PARP15: variants seen among roughly 807,000 people sequenced by gnomAD.
PARP15 encodes the protein protein mono-ADP-ribosyltransferase PARP15.
PARP15 carries 50 observed loss-of-function variants against 62.1 expected under a neutral mutation model. That is an observed-to-expected ratio of 0.81 (90% CI 0.64 to 1.02). PARP15 has a LOEUF of 1.02. Among genes scored for constraint, PARP15 ranks in the 50% least tolerant of loss-of-function variants. PARP15 has a pLI of 0.00. For synonymous variants in PARP15, 309 were observed against 293.1 expected (o/e 1.05, Z -0.55); for missense variants, 820 against 826.5 (o/e 0.99, Z 0.10).
intron 2 of PARP15, among the ~76,000 whole-genome samples, chr3:122,608,973 T>C (rs1382024640): frequency 6.6e-6 from 1 of 152,084 alleles, no homozygotes; most frequent in Non-Finnish European, 1.5e-5. Flanking sequence ...CAGGCTGGTC[T>C]TGAACTCCTG....
At chr3:122,617,207 A>G (rs368028414) in intron 6 of PARP15, 43 bp downstream of exon 6, 4 of 1,560,122 alleles carry the variant, frequency 2.6e-6, no homozygotes, top group Non-Finnish European at 3.5e-6. Context: ...AGTATGACTA[A>G]TTTCTGGAAG....
chr3:122,609,690 C>T (rs114278090), intron 2 of PARP15, among the ~76,000 whole-genome samples: 3 of 140,736 alleles, frequency 2.1e-5, no homozygotes, highest in Non-Finnish European at 3.0e-5. Flanking sequence ...AGATCGAAAT[C>T]GTGTTTAAAA....
At chr3:122,632,759 G>T (rs1937132621) in intron 10 of PARP15, among the ~76,000 whole-genome samples, 1 of 152,224 alleles carries the variant, frequency 6.6e-6, no homozygotes, top group African/African-American at 2.4e-5. Context: ...TCCGTGTCTA[G>T]GGAATACCTT....
At chr3:122,590,750 C>T (rs769750870) in intron 1 of PARP15, among the ~76,000 whole-genome samples, 1 of 152,104 alleles carries the variant, frequency 6.6e-6, no homozygotes. Context: ...AGATAAAAAA[C>T]AATGAAAAAT....
chr3:122,635,823 G>A lies in PARP15; in HGVS notation c.1760G>A (p.Gly587Glu). 6.2e-7 allele frequency: 1 copy of A among 1,613,200 alleles called. No individual in the cohort carries two copies. The highest frequency in any genetic ancestry group is 2.2e-5 in the East Asian group (1 of 44,868). Residue 587 changes from glycine to glutamate, a missense_variant, in exon 12 of 12, where the codon GGA (glycine) becomes GAA (glutamate). Transcript: ENST00000464300. ...TTTCTCTTTCCAGCTGTATCCTATG[G>A]AAAAGGAACCTATTTTGCTGTGGAT... Reference protein sequence around the residue: ...SCAGKNAVSYGKGTYFAVDAS... With the variant: ...SCAGKNAVSYEKGTYFAVDAS...
At chr3:122,601,256 T>C (rs1934778158) in intron 1 of PARP15, among the ~76,000 whole-genome samples, 1 of 152,088 alleles carries the variant, frequency 6.6e-6, no homozygotes, top group Admixed American at 6.6e-5. Flanking sequence ...ACGCCTGACC[T>C]CAGGTGATCC....
chr3:122,595,170 T>G (rs555940011), intron 1 of PARP15, among the ~76,000 whole-genome samples: 26 of 136,558 alleles, frequency 1.9e-4, no homozygotes, highest in African/African-American at 5.9e-4. Flanking sequence ...AAAGGAATTG[T>G]TTTTTTTTTC....
chr3:122,589,732 A>G (rs930526635), intron 1 of PARP15, among the ~76,000 whole-genome samples: 1 of 152,120 alleles, frequency 6.6e-6, no homozygotes, highest in African/African-American at 2.4e-5. Flanking sequence ...ATTTTTTAAA[A>G]ATTGTTGACT....
At chr3:122,612,293 G>T (rs569226517) in intron 3 of PARP15, among the ~76,000 whole-genome samples, 2 of 151,412 alleles carry the variant, frequency 1.3e-5, no homozygotes, top group Admixed American at 1.3e-4. Flanking sequence ...GGACTCAAGC[G>T]ATCTGCCCAC....
chr3:122,617,500 T>A (rs1177190631), intron 6 of PARP15, among the ~76,000 whole-genome samples: 2 of 152,212 alleles, frequency 1.3e-5, no homozygotes, highest in African/African-American at 4.8e-5. Context: ...CAAGTATAGT[T>A]TAGTACCTCT....
chr3:122,585,536 G>A (rs6779282), intron 1 of PARP15, among the ~76,000 whole-genome samples: 56,479 of 151,990 alleles, frequency 0.37, 10,927 homozygotes, highest in Admixed American at 0.46. Context: ...TACTTAATAT[G>A]GTCCCCATTC....
chr3:122,598,170 C>T lies in PARP15; in HGVS notation c.187-7766C>T, dbSNP rs114762040. ...TAGGGGATGGGAGTTTCAGCCTTAT[C>T]CCCACTGTCTCTACCAGCCTGCCTC... On this transcript the variant is annotated intron_variant, in intron 1 of 11. Transcript: ENST00000464300. Among the ~76,000 whole-genome samples, 1,042 of 152,284 alleles carry T rather than the reference C, an allele frequency of 6.8e-3. 4 individuals carry two copies. The highest frequency in any genetic ancestry group is 0.017 in the Middle Eastern group (5 of 294).
intron 1 of PARP15, among the ~76,000 whole-genome samples, chr3:122,589,144 G>A (rs1252392951): frequency 6.6e-6 from 1 of 152,132 alleles, no homozygotes; most frequent in Non-Finnish European, 1.5e-5. Flanking sequence ...TTGCGATCAG[G>A]GTCCCAGCAT....
chr3:122,579,269 A>G (rs1423789975), intron 1 of PARP15, among the ~76,000 whole-genome samples: 3 of 152,124 alleles, frequency 2.0e-5, no homozygotes, highest in Non-Finnish European at 4.4e-5. Flanking sequence ...TCTCAATATT[A>G]TATATGAGGT....
intron 6 of PARP15, among the ~76,000 whole-genome samples, chr3:122,617,639 C>T (rs1264855090): frequency 6.6e-6 from 1 of 152,150 alleles, no homozygotes; most frequent in South Asian, 2.1e-4. Context: ...CTTTATTTTC[C>T]GTGACATGTT....
At chr3:122,606,078 T>A in intron 2 of PARP15, 23 bp downstream of exon 2, 1 of 1,549,124 alleles carries the variant, frequency 6.5e-7, no homozygotes, top group Non-Finnish European at 8.7e-7. Context: ...ATTTAATAAA[T>A]CTACCAAGGA....
intron 8 of PARP15, among the ~76,000 whole-genome samples, chr3:122,621,821 C>CAA (rs1936368891): frequency 6.6e-6 from 1 of 152,124 alleles, no homozygotes; most frequent in African/African-American, 2.4e-5. Context: ...TTTTTCAAGA[C>CAA]AGAGTCTCAC....
chr3:122,599,803 G>A (rs1934655280), intron 1 of PARP15, among the ~76,000 whole-genome samples: 1 of 152,164 alleles, frequency 6.6e-6, no homozygotes, highest in Admixed American at 6.5e-5. Context: ...TTGAACTCCT[G>A]GCCTCAAATG....
In PARP15 at chr3:122,626,871, G is replaced by A. The variant is rs749555610; in HGVS notation, c.1276G>A (p.Asp426Asn). ...TATCACAGTTGCTGATAACATAATCGATGCTATTGTAGACTTCTCATCACA... is the reference window on the plus strand; with the variant it reads ...TATCACAGTTGCTGATAACATAATCAATGCTATTGTAGACTTCTCATCACA... ...NPITVADNII[D>N]AIVDFSSQHS... The change falls in exon 9 of 12, where the codon GAT becomes AAT. Residue 426 changes from aspartate to asparagine, a missense_variant. Physicochemically the swap from Asp to Asn is conservative, Grantham distance 23. Around this residue, in one of 3 missense-constraint regions of PARP15, gnomAD observed 731 missense variants for 727.7 expected, o/e 1.00. Transcript: ENST00000464300. 13 of 1,613,182 alleles carry A rather than the reference G, an allele frequency of 8.1e-6. No homozygotes were observed. The highest frequency in any genetic ancestry group is 2.7e-5 in the African/African-American group (2 of 74,764).
Sources: allele counts gnomAD v4.1 joint callset (sites outside exome capture counted in the v4.1 genomes callset), GRCh38; gene constraint gnomAD v4.1.1; regional missense constraint gnomAD v4.1.1; transcripts MANE v1.5; gene names NCBI Gene and HGNC (gene_info 2026-07-23, HGNC 2026-07-21).